Variants in STIM2 observed in about 807,000 individuals in gnomAD.
STIM2 encodes the protein stromal interaction molecule 2.
STIM2 carries 31 observed loss-of-function variants against 85.8 expected under a neutral mutation model. The ratio of observed to expected loss-of-function variants is 0.36; its 90% CI spans 0.27 to 0.49. The LOEUF (loss-of-function observed/expected upper bound fraction) is 0.49, where lower values mean the gene tolerates loss of function less well. Among genes scored for constraint, STIM2 ranks in the 20% least tolerant of loss-of-function variants. STIM2 has a pLI of 0.98. For missense variants in STIM2, 841 were observed against 927.6 expected, an observed-to-expected ratio of 0.91 and a Z score of 1.21; for synonymous variants, 356 against 331.1, an observed-to-expected ratio of 1.08 and a Z score of -0.82.
chr4:27,024,547 A>G lies in STIM2; in HGVS notation c.*1551A>G, dbSNP rs1729023119. 1 of 152,224 alleles carries G rather than the reference A, an allele frequency of 6.6e-6. No homozygotes were observed. Among genetic ancestry groups the G allele is most frequent in the Admixed American group, 6.5e-5 (1 of 15,282 alleles). The allele number at this position is 152,224 out of a possible 1,614,324, so 9.4% of individuals were successfully genotyped here. Reference sequence around the variant, plus strand: ...AAATGCTTTAGTAAGAATATGAACAATTTCCTGATGTCTCCTATAAATTGT... The same window carrying G: ...AAATGCTTTAGTAAGAATATGAACAGTTTCCTGATGTCTCCTATAAATTGT... On this transcript the variant is annotated 3_prime_UTR_variant, in exon 12 of 12. Transcript: ENST00000467087.
At chr4:27,008,064 C>T in intron 8 of STIM2, 2 of 699,418 alleles carry the variant, frequency 2.9e-6, no homozygotes, top group Non-Finnish European at 5.3e-6. Context: ...GAGAATAAGT[C>T]TTAATCTGAA....
At chr4:26,871,704 C>CTTT (rs35869869) in intron 1 of STIM2, among the ~76,000 whole-genome samples, 7 of 129,518 alleles carry the variant, frequency 5.4e-5, no homozygotes, top group South Asian at 2.4e-4. Context: ...TGTTTTCACC[C>CTTT]TTTTTTTTTT....
In STIM2 at chr4:27,022,533, C is replaced by G. The variant is rs754307203; in HGVS notation, c.1778C>G (p.Thr593Arg). The G allele has an allele frequency of 2.5e-6, 4 of 1,592,868 alleles. No individual in the cohort carries two copies. Among genetic ancestry groups the G allele is most frequent in the Admixed American group, 3.4e-5 (2 of 59,070 alleles). ...GTTTCATTCAGGGAAGTGCCAGACA[C>G]AGCTTCAGAATGTGACTCCTTAAAT... The change falls in exon 12 of 12, where the codon ACA (threonine) becomes AGA (arginine). Residue 593 changes from threonine to arginine, a missense_variant. Around this residue, in one of 3 missense-constraint regions of STIM2, gnomAD observed 293 missense variants for 284.5 expected, o/e 1.03. Transcript: ENST00000467087.
chr4:26,898,530 T>C (rs1367885955), intron 1 of STIM2, among the ~76,000 whole-genome samples: 2 of 152,224 alleles, frequency 1.3e-5, no homozygotes, highest in African/African-American at 2.4e-5. Context: ...GATTGTTGCC[T>C]AGATCCAATA....
At chr4:26,961,570 G>C (rs1577464791) in intron 3 of STIM2, among the ~76,000 whole-genome samples, 1 of 152,092 alleles carries the variant, frequency 6.6e-6, no homozygotes, top group African/African-American at 2.4e-5. Flanking sequence ...TTGCTGGGTA[G>C]GAAAGACAAA....
At chr4:27,015,166 C>T (rs956465245) in intron 10 of STIM2, among the ~76,000 whole-genome samples, 18 of 151,926 alleles carry the variant, frequency 1.2e-4, no homozygotes, top group Admixed American at 1.1e-3. Context: ...CCTTGCTGAT[C>T]TGTTTGAATT....
At chr4:26,941,864 T>C (rs1361270587) in intron 2 of STIM2, among the ~76,000 whole-genome samples, 1 of 152,126 alleles carries the variant, frequency 6.6e-6, no homozygotes, top group Non-Finnish European at 1.5e-5. Flanking sequence ...GGTGTATAGT[T>C]TGATGAATTT....
rs777492101 is a variant in STIM2, at chr4:26,861,281, C to A, written c.63C>A (p.His21Gln). The A allele has an allele frequency of 2.3e-5, 33 of 1,459,536 alleles. 1 individual carries two copies. In the East Asian group the frequency reaches 9.1e-4, roughly 40 times the overall value. 90.4% of individuals were successfully genotyped at this position (1,459,536 alleles called of 1,614,324 possible). A position where few individuals can be genotyped will look rare whatever the true frequency, so the allele number is the denominator to read the frequency against. Reference sequence around the variant, plus strand: ...ACGGATGCGAGCTTGTGCCCCGGCACCTCCGCGGGCGGCGGGCGACTGGCT... The same window carrying A: ...ACGGATGCGAGCTTGTGCCCCGGCAACTCCGCGGGCGGCGGGCGACTGGCT... The change falls in exon 1 of 12, where the codon CAC becomes CAA. Residue 21 changes from histidine to glutamine, a missense_variant. Coordinates refer to ENST00000467087, the MANE Select transcript of STIM2 (RefSeq NM_020860.4).
chr4:26,978,279 A>T (rs1264371019), intron 3 of STIM2, among the ~76,000 whole-genome samples: 2 of 147,856 alleles, frequency 1.4e-5, no homozygotes, highest in African/African-American at 4.9e-5. Flanking sequence ...TCATATATAT[A>T]TTTTCATATA....
intron 11 of STIM2, 97 bp downstream of exon 11, chr4:27,018,081 G>A (rs1728797034): frequency 1.3e-6 from 2 of 1,526,986 alleles, no homozygotes; most frequent in African/African-American, 1.4e-5. Context: ...TCCATTTTCT[G>A]TTGCTACATA....
At chr4:26,893,494 A>C (rs1418665462) in intron 1 of STIM2, among the ~76,000 whole-genome samples, 2 of 152,152 alleles carry the variant, frequency 1.3e-5, no homozygotes, top group Non-Finnish European at 2.9e-5. Context: ...GTGTAGCTGC[A>C]TTCATTCATT....
At chr4:26,980,553 A>T (rs1727344399) in intron 3 of STIM2, among the ~76,000 whole-genome samples, 1 of 152,158 alleles carries the variant, frequency 6.6e-6, no homozygotes, top group African/African-American at 2.4e-5. Context: ...ATTACCAAGG[A>T]ATATAAATGG....
intron 3 of STIM2, among the ~76,000 whole-genome samples, chr4:26,987,297 C>T (rs1422896400): frequency 6.6e-6 from 1 of 152,138 alleles, no homozygotes; most frequent in African/African-American, 2.4e-5. Flanking sequence ...AAAATAGTGA[C>T]ATGGTGGTGG....
chr4:26,991,632 C>G (rs754928424), intron 3 of STIM2, among the ~76,000 whole-genome samples: 9 of 152,032 alleles, frequency 5.9e-5, no homozygotes, highest in Non-Finnish European at 7.4e-5. Flanking sequence ...CTCAGTTACC[C>G]TGATTTGATC....
At chr4:26,902,147 A>C (rs1300904920) in intron 1 of STIM2, among the ~76,000 whole-genome samples, 1 of 152,050 alleles carries the variant, frequency 6.6e-6, no homozygotes, top group East Asian at 1.9e-4. Context: ...TGTAAAGGGG[A>C]ATACAATGTA....
chr4:26,976,946 A>G (rs1369716661), intron 3 of STIM2, among the ~76,000 whole-genome samples: 3 of 152,234 alleles, frequency 2.0e-5, no homozygotes, highest in Non-Finnish European at 2.9e-5. Flanking sequence ...GTTTGCATGT[A>G]TGTATGTGTG....
chr4:26,975,901 C>T (rs1394192642), intron 3 of STIM2, among the ~76,000 whole-genome samples: 2 of 152,202 alleles, frequency 1.3e-5, no homozygotes, highest in Non-Finnish European at 2.9e-5. Flanking sequence ...TGTGGTGGCT[C>T]CGCCCAGTTC....
At chr4:26,935,365 A>G (rs1290895764) in intron 2 of STIM2, among the ~76,000 whole-genome samples, 2 of 152,188 alleles carry the variant, frequency 1.3e-5, no homozygotes, top group African/African-American at 4.8e-5. Flanking sequence ...TCAAAATGAG[A>G]TAGGCACTCT....
In STIM2 at chr4:27,017,868, C is replaced by T. The variant is rs372121190; in HGVS notation, c.1647C>T (p.His549=). The T allele has an allele frequency of 4.7e-5, 76 of 1,614,198 alleles. 2 individuals carry two copies. In the East Asian group the frequency reaches 6.9e-4, roughly 15 times the overall value. ...CTCGGCACCCTCACCACCCGCAACA[C>T]ACACCACACTCCTTGCCTTCCCCTG... Residue 549 remains histidine, a synonymous_variant, in exon 11 of 12, where the codon CAC becomes CAT. Coordinates refer to ENST00000467087, the MANE Select transcript of STIM2 (RefSeq NM_020860.4).
Sources: allele counts gnomAD v4.1 joint callset (sites outside exome capture counted in the v4.1 genomes callset), GRCh38; gene constraint gnomAD v4.1.1; regional missense constraint gnomAD v4.1.1; transcripts MANE v1.5; gene names NCBI Gene and HGNC (gene_info 2026-07-23, HGNC 2026-07-21).